BRF1: variants seen among roughly 807,000 people sequenced by gnomAD.
BRF1 encodes BRF1 general transcription factor IIIB subunit.
In BRF1, 59 loss-of-function variants were observed where a neutral mutation model predicts 81.7. That is an observed-to-expected ratio of 0.72 (90% CI 0.59 to 0.90). The LOEUF (loss-of-function observed/expected upper bound fraction) is 0.90, where lower values mean the gene tolerates loss of function less well. BRF1 is among the 40% of genes least tolerant of loss of function. The probability of loss-of-function intolerance (pLI) is 0.00; values close to 1 mark genes in which losing one functional copy is unlikely to be tolerated. For synonymous variants in BRF1, 491 were observed against 395.6 expected, an observed-to-expected ratio of 1.24 and a Z score of -2.86; for missense variants, 1,050 against 936.3, an observed-to-expected ratio of 1.12 and a Z score of -1.58.
rs1892206313 is a variant in BRF1 at position 105,221,073 on chromosome 14, G to A, written c.1315+575C>T. ...ACACAGAGGCCAGGCCCTGGTGCCC[G>A]ACGGGAGGCAGGGCTTGAGGGTGAA... On this transcript the variant is annotated intron_variant, in intron 11 of 17. Coordinates refer to ENST00000547530, the MANE Select transcript of BRF1 (RefSeq NM_001519.4). Among the ~76,000 whole-genome samples the A allele has an allele frequency of 3.3e-5, 5 of 152,366 alleles. No homozygotes were observed. In the South Asian group the frequency reaches 6.2e-4, roughly 19 times the overall value.
At chr14:105,301,490 C>T (rs1001417412), upstream of BRF1, among the ~76,000 whole-genome samples, 1 of 151,780 alleles carries the variant, frequency 6.6e-6, no homozygotes, top group East Asian at 2.0e-4. Flanking sequence ...GGGACCCAAC[C>T]CCGGGCTCTG....
chr14:105,219,851 CA>C (rs1202523375), intron 12 of BRF1: 5 of 596,828 alleles, frequency 8.4e-6, no homozygotes, highest in Non-Finnish European at 1.5e-5. Flanking sequence ...GGCGCAAAGC[CA>C]GGGGCCTCTC....
chr14:105,260,411 G>A (rs1042815549), intron 3 of BRF1, among the ~76,000 whole-genome samples: 6 of 151,144 alleles, frequency 4.0e-5, no homozygotes, highest in Non-Finnish European at 5.9e-5. Context: ...TTGCCCTGTC[G>A]CCCAGGCTGG....
At chr14:105,228,712 C>A (rs187619995) in intron 7 of BRF1, 108 bp downstream of exon 7, 5 of 1,278,724 alleles carry the variant, frequency 3.9e-6, no homozygotes, top group African/African-American at 2.9e-5. Context: ...AGCAGCCAGG[C>A]GGGGGACGGC....
At chr14:105,285,367 G>A (rs960753637) in intron 2 of BRF1, among the ~76,000 whole-genome samples, 2 of 152,198 alleles carry the variant, frequency 1.3e-5, no homozygotes, top group Non-Finnish European at 2.9e-5. Context: ...TTAGGTTTAC[G>A]GTCAATCGAT....
chr14:105,248,516 CG>C (rs1361897409), intron 5 of BRF1: 9 of 960,058 alleles, frequency 9.4e-6, no homozygotes, highest in Admixed American at 1.6e-4. Context: ...CGACGTCGCG[CG>C]GGGCGCGGCC....
At chr14:105,226,351 TG>T (rs1434763713) in intron 8 of BRF1, 61 bp from the exon 9 acceptor site, 1 of 1,608,176 alleles carries the variant, frequency 6.2e-7, no homozygotes, top group Non-Finnish European at 8.5e-7. Flanking sequence ...GCGCAGCCTC[TG>T]GGGTGCCGCG....
In BRF1 at chr14:105,272,791, G is replaced by A. The variant is rs201919643; in HGVS notation, c.369C>T (p.Thr123=). 2 of 1,614,002 alleles carry A rather than the reference G, an allele frequency of 1.2e-6. No individual in the cohort carries two copies. Among genetic ancestry groups the A allele is most frequent in the East Asian group, 2.2e-5 (1 of 44,882 alleles). The change falls in exon 3 of 18, where the codon ACC becomes ACT. Residue 123 remains threonine, a synonymous_variant. Coordinates refer to ENST00000547530, the MANE Select transcript of BRF1 (RefSeq NM_001519.4). ...FFKMAVSRHL[T]RGRKMAHVIA... ...TCACGTGGGCCATCTTCCGGCCGCGGGTCAGGTGCCTGCTCACGGCCATCT... is the reference window on the plus strand; with the variant it reads ...TCACGTGGGCCATCTTCCGGCCGCGAGTCAGGTGCCTGCTCACGGCCATCT...
At chr14:105,218,565 A>G (rs1222416213) in intron 14 of BRF1, among the ~76,000 whole-genome samples, 2 of 152,200 alleles carry the variant, frequency 1.3e-5, no homozygotes, top group Non-Finnish European at 2.9e-5. Context: ...TGCTGCCTGC[A>G]CCACGAGGCT....
intron 3 of BRF1, among the ~76,000 whole-genome samples, chr14:105,267,930 G>A (rs1209312785): frequency 3.3e-5 from 5 of 151,484 alleles, no homozygotes; most frequent in African/African-American, 4.9e-5. Context: ...GGAGTGTGGC[G>A]GCTGGCGGCA....
upstream of BRF1, among the ~76,000 whole-genome samples, chr14:105,304,294 G>T (rs373214527): frequency 1.3e-5 from 2 of 152,074 alleles, no homozygotes; most frequent in African/African-American, 4.8e-5. Context: ...GATCAAGACC[G>T]TCCTGGCCAA....
intron 5 of BRF1, among the ~76,000 whole-genome samples, chr14:105,251,863 T>C (rs970024779): frequency 2.0e-5 from 3 of 152,024 alleles, no homozygotes; most frequent in Non-Finnish European, 4.4e-5. Context: ...TCTGCATGCA[T>C]GAACACTGCT....
chr14:105,241,901 T>G (rs587668631), intron 5 of BRF1: 1 of 203,514 alleles, frequency 4.9e-6, no homozygotes, highest in African/African-American at 2.3e-5. Flanking sequence ...GGGCTGTGTG[T>G]GCACACTGAG....
rs1234793750 is a variant in BRF1, at chr14:105,209,613, G to A, written c.*938C>T. The A allele has an allele frequency of 1.4e-6, 1 of 700,314 alleles. No individual in the cohort carries two copies. The highest frequency in any genetic ancestry group is 2.6e-6 in the Non-Finnish European group (1 of 383,386). The allele number at this position is 700,314 out of a possible 1,614,324, so 43.4% of individuals were successfully genotyped here. On this transcript the variant is annotated 3_prime_UTR_variant, in exon 18 of 18. Transcript: ENST00000547530. The stretch of plus-strand genomic sequence containing the variant: ...CTGGGGCCTTCCCACGAAGAGGCCT[G>A]GGGAGGCTCTCGGGCCTCCGTCTGC...
intron 4 of BRF1, among the ~76,000 whole-genome samples, chr14:105,253,219 CT>C (rs2055702324): frequency 6.6e-6 from 1 of 152,234 alleles, no homozygotes; most frequent in African/African-American, 2.4e-5. Flanking sequence ...TGTGCAGACC[CT>C]GTGCACAGCC....
chr14:105,247,984 GC>G, intron 5 of BRF1: 1 of 985,486 alleles, frequency 1.0e-6, no homozygotes. Context: ...GGCAGGGCGC[GC>G]CCTGGGGCCC....
Position 105,217,556 on chromosome 14 carries a change from C to T in BRF1, c.1760G>A (p.Ser587Asn), listed in dbSNP as rs370288579. 1 of 1,613,300 alleles carries T rather than the reference C, an allele frequency of 6.2e-7. No individual in the cohort carries two copies. Among genetic ancestry groups the T allele is most frequent in the East Asian group, 2.2e-5 (1 of 44,866 alleles). ...GACAGGATGGTACCTTTTCCCCACA[C>T]TGGTCACAGGGTCAGCCCCACTTCT... is the stretch of plus-strand genomic sequence containing the variant. ...ASRSGADPVT[S>N]VGKRLRPLVS... is the part of the protein sequence containing the mutation. The change falls in exon 15 of 18, where the codon AGT (serine) becomes AAT (asparagine). Residue 587 changes from serine to asparagine, a missense_variant. Physicochemically the swap from Ser to Asn is conservative, Grantham distance 46. Transcript: ENST00000547530.
At chr14:105,290,246 C>T (rs1480994289) in intron 1 of BRF1, among the ~76,000 whole-genome samples, 1 of 151,968 alleles carries the variant, frequency 6.6e-6, no homozygotes, top group Admixed American at 6.6e-5. Context: ...AAGGAGAAAC[C>T]CCGTGTCTAC....
At chr14:105,310,659 G>T (rs770220274) in intron 1 of BRF1, among the ~76,000 whole-genome samples, 1 of 152,054 alleles carries the variant, frequency 6.6e-6, no homozygotes, top group Non-Finnish European at 1.5e-5. Context: ...TTTTCAGGAC[G>T]GGGCGCAGCC....
Sources: allele counts gnomAD v4.1 joint callset (sites outside exome capture counted in the v4.1 genomes callset), GRCh38; gene constraint gnomAD v4.1.1; transcripts MANE v1.5; gene names NCBI Gene and HGNC (gene_info 2026-07-23, HGNC 2026-07-21).